TTC6: variants seen among roughly 807,000 people sequenced by gnomAD.
TTC6 encodes the protein tetratricopeptide repeat domain 6.
TTC6 carries 172 observed loss-of-function variants against 210.4 expected under a neutral mutation model. The observed-to-expected ratio is 0.82, with a 90% CI of 0.72 to 0.93. The LOEUF (loss-of-function observed/expected upper bound fraction) is 0.93, where lower values mean the gene tolerates loss of function less well. TTC6 is among the 40% of genes least tolerant of loss of function. The pLI, the probability that TTC6 is intolerant of heterozygous loss-of-function variation, is 0.00. For synonymous variants in TTC6, 804 were observed against 819.6 expected (o/e 0.98, Z 0.32); for missense variants, 2,414 against 2,318.1 (o/e 1.04, Z -0.85).
intron 6 of TTC6, among the ~76,000 whole-genome samples, 171 bp from the exon 9 acceptor site, chr14:37,724,727 C>T (rs1007214728): frequency 3.3e-5 from 5 of 152,100 alleles, no homozygotes; most frequent in Admixed American, 6.6e-5. Context: ...GTAATGCAGA[C>T]TTTTACATTT....
intron 14 of TTC6, among the ~76,000 whole-genome samples, chr14:37,780,891 A>G (rs2096052825): frequency 6.6e-6 from 1 of 151,462 alleles, no homozygotes; most frequent in Admixed American, 6.6e-5. Context: ...TGGTTTTCTG[A>G]TCTTGTGATA....
At chr14:37,634,741 A>G (rs1414709814) in intron 1 of TTC6, among the ~76,000 whole-genome samples, 1 of 152,252 alleles carries the variant, frequency 6.6e-6, no homozygotes, top group East Asian at 1.9e-4. Flanking sequence ...AGAGAGAAAC[A>G]ATATGTTAAC....
At position 37,714,237 on chromosome 14, in the gene TTC6, G is replaced by C. The variant is rs545034353; in HGVS notation, c.1572-418G>C. The stretch of plus-strand genomic sequence containing the variant: ...GTTTTCTGTTCATCTCAGCAAGAAG[G>C]GAGAACCATAATGTGAGAAGGTACT... On this transcript the variant is annotated intron_variant, in intron 5 of 30. Transcript: ENST00000553443. 2.6e-5 allele frequency among the ~76,000 whole-genome samples: 4 copies of C among 152,250 alleles called. No individual in the cohort carries two copies. The South Asian group carries it at 8.3e-4, about 32-fold the overall frequency.
intron 10 of TTC6, among the ~76,000 whole-genome samples, chr14:37,741,955 G>T (rs1276099401): frequency 5.3e-5 from 8 of 152,290 alleles, no homozygotes; most frequent in Non-Finnish European, 4.4e-5. Context: ...CAGCCTGAGG[G>T]TGTAGAGGAG....
intron 14 of TTC6, among the ~76,000 whole-genome samples, chr14:37,783,090 T>C (rs1202652944): frequency 3.3e-5 from 5 of 149,438 alleles, no homozygotes; most frequent in African/African-American, 1.2e-4. Context: ...TAAAATTCTC[T>C]TTTTTTTGTT....
At chr14:37,740,674 A>G (rs1205432730) in intron 10 of TTC6, among the ~76,000 whole-genome samples, 1 of 152,198 alleles carries the variant, frequency 6.6e-6, no homozygotes, top group East Asian at 1.9e-4. Flanking sequence ...TGTATACTAC[A>G]TATGCTTAAG....
intron 7 of TTC6, among the ~76,000 whole-genome samples, chr14:37,728,459 A>G (rs1316209455): frequency 6.6e-6 from 1 of 151,902 alleles, no homozygotes; most frequent in Non-Finnish European, 1.5e-5. Flanking sequence ...TGTTACTAAC[A>G]GTTTTACTTT....
rs1179892237 is a variant in TTC6 at position 37,807,396 on chromosome 14, T to C, written c.4391T>C (p.Ile1464Thr). 3 of 1,530,680 alleles carry C rather than the reference T, an allele frequency of 2.0e-6. No homozygotes were observed. The East Asian group carries it at 7.3e-5, about 37-fold the overall frequency. 94.8% of individuals were successfully genotyped at this position (1,530,680 alleles called of 1,614,324 possible). Residue 1464 changes from isoleucine to threonine, a missense_variant, in exon 23 of 31, where the codon ATT becomes ACT. Ile to Thr is a moderately conservative substitution (Grantham distance 89). Coordinates refer to ENST00000553443, the Ensembl canonical transcript of TTC6. ...GCAATCTTGAATTGTAACAAGGCTATTAAAATTTACCCTGAAAGCGTACGT... is the reference window on the plus strand; with the variant it reads ...GCAATCTTGAATTGTAACAAGGCTACTAAAATTTACCCTGAAAGCGTACGT...
intron 1 of TTC6, among the ~76,000 whole-genome samples, chr14:37,668,901 G>C (rs2095753246): frequency 6.6e-6 from 1 of 152,186 alleles, no homozygotes; most frequent in East Asian, 1.9e-4. Context: ...CTTAAAGACT[G>C]TCGTGATGTC....
intron 29 of TTC6, among the ~76,000 whole-genome samples, chr14:37,828,691 T>C (rs964350345): frequency 2.6e-5 from 4 of 152,108 alleles, no homozygotes; most frequent in African/African-American, 9.6e-5. Flanking sequence ...CTGGAATTTA[T>C]TGAGTTTTAA....
exon 11 of TTC6, chr14:37,749,398 G>C: frequency 7.1e-7 from 1 of 1,415,706 alleles, no homozygotes; most frequent in Non-Finnish European, 9.2e-7. Flanking sequence ...ATGATCTGCA[G>C]AGAGTAAGTT....
At chr14:37,641,755 T>C (rs1027189188) in intron 1 of TTC6, among the ~76,000 whole-genome samples, 3 of 152,236 alleles carry the variant, frequency 2.0e-5, no homozygotes, top group African/African-American at 4.8e-5. Context: ...AAAAAAACTT[T>C]CATAGTCCTG....
intron 6 of TTC6, among the ~76,000 whole-genome samples, chr14:37,721,658 A>G (rs1196842534): frequency 3.9e-5 from 6 of 151,962 alleles, no homozygotes; most frequent in Admixed American, 3.9e-4. Flanking sequence ...AATAGCACAC[A>G]TGCATTTCCT....
intron 1 of TTC6, among the ~76,000 whole-genome samples, chr14:37,665,781 T>C (rs914993434): frequency 6.6e-6 from 1 of 150,460 alleles, no homozygotes; most frequent in African/African-American, 2.4e-5. Context: ...AACTGTCTGC[T>C]TAATATTTAG....
At chr14:37,823,825 T>C (rs968518706) in exon 27 of TTC6, 27 of 1,614,030 alleles carry the variant, frequency 1.7e-5, no homozygotes, top group Non-Finnish European at 2.1e-5. Context: ...ATGCTTATGT[T>C]GGACGGGGAA....
chr14:37,749,994 C>T lies in TTC6; in HGVS notation c.2956+151C>T, dbSNP rs141222328. Among the ~76,000 whole-genome samples the T allele has an allele frequency of 5.6e-3, 854 of 152,036 alleles. 6 individuals carry two copies. In the Middle Eastern group the frequency reaches 0.061, roughly 11 times the overall value. On this transcript the variant is annotated intron_variant, in intron 12 of 30. Transcript: ENST00000553443. ...TTTTTTACTCTTGTTATTGTAAATCCGGGGCTCGTACAATCCTATAGTGTT... is the reference window on the plus strand; with the variant it reads ...TTTTTTACTCTTGTTATTGTAAATCTGGGGCTCGTACAATCCTATAGTGTT...
At chr14:37,708,891 G>T (rs2095840074) in intron 5 of TTC6, among the ~76,000 whole-genome samples, 1 of 151,986 alleles carries the variant, frequency 6.6e-6, no homozygotes, top group Non-Finnish European at 1.5e-5. Flanking sequence ...ATTACTGAAA[G>T]CTTTGCAGTC....
At chr14:37,765,986 G>T (rs2095998079) in intron 14 of TTC6, among the ~76,000 whole-genome samples, 5 of 152,016 alleles carry the variant, frequency 3.3e-5, no homozygotes, top group Admixed American at 3.3e-4. Flanking sequence ...CATCCCCCAA[G>T]ATTTTCTTTG....
At chr14:37,771,574 C>A (rs1186855826) in intron 14 of TTC6, among the ~76,000 whole-genome samples, 2 of 152,046 alleles carry the variant, frequency 1.3e-5, no homozygotes, top group East Asian at 3.9e-4. Flanking sequence ...TTGCTGATAC[C>A]CTTTCTTCCA....
Sources: gnomAD v4.1 joint callset for allele counts (sites outside exome capture counted in the v4.1 genomes callset) on GRCh38, gnomAD v4.1.1 for gene constraint, MANE v1.5 for transcripts, NCBI Gene and HGNC (gene_info 2026-07-23, HGNC 2026-07-21) for gene names.